RANBP2: variants seen among roughly 807,000 people sequenced by gnomAD.
RANBP2 encodes RAN binding protein 2.
RANBP2 carries 57 observed loss-of-function variants against 303.6 expected under a neutral mutation model. The observed-to-expected ratio is 0.19, with a 90% CI of 0.15 to 0.23. The LOEUF (loss-of-function observed/expected upper bound fraction) is 0.23, where lower values mean the gene tolerates loss of function less well. Ranked by LOEUF, RANBP2 falls within the 10% of genes least tolerant of loss-of-function variation. RANBP2 has a pLI of 1.00. For missense variants in RANBP2, 3,138 were observed against 3,780.8 expected, an observed-to-expected ratio of 0.83 and a Z score of 4.46; for synonymous variants, 1,167 against 1,301.5, an observed-to-expected ratio of 0.90 and a Z score of 2.23.
At chr2:109,493,080 CCATA>C in the RANBP2 span, among the ~76,000 whole-genome samples, 136 of 91,598 alleles carry the variant, frequency 1.5e-3, no homozygotes, top group Middle Eastern at 5.2e-3. Context: ...CACACATACA[CCATA>C]CATACAAACA....
chr2:108,808,514 CCAA>C, the RANBP2 span, among the ~76,000 whole-genome samples: 1 of 152,248 alleles, frequency 6.6e-6, no homozygotes, highest in East Asian at 1.9e-4. Flanking sequence ...CACATCCTCA[CCAA>C]CGTTTATTAC....
chr2:109,384,228 A>G, the RANBP2 span, among the ~76,000 whole-genome samples: 1 of 152,152 alleles, frequency 6.6e-6, no homozygotes, highest in African/African-American at 2.4e-5. Flanking sequence ...GCCTGAATGA[A>G]GCAGAGGAGA....
At chr2:108,730,540 T>A (rs1344254466) in intron 2 of RANBP2, among the ~76,000 whole-genome samples, 2 of 152,142 alleles carry the variant, frequency 1.3e-5, no homozygotes, top group Admixed American at 6.6e-5. Flanking sequence ...GGAGAAAAAT[T>A]TGGTAAATGT....
the RANBP2 span, among the ~76,000 whole-genome samples, chr2:109,691,188 A>C: frequency 6.6e-6 from 1 of 152,242 alleles, no homozygotes; most frequent in African/African-American, 2.4e-5. Flanking sequence ...TGTTTAAAGA[A>C]AAATGGAAAA....
chr2:109,238,060 G>A, the RANBP2 span, among the ~76,000 whole-genome samples: 1 of 152,126 alleles, frequency 6.6e-6, no homozygotes, highest in South Asian at 2.1e-4. Context: ...TAAAAAATTA[G>A]CCAAGCATGG....
chr2:108,868,108 G>A, the RANBP2 span, among the ~76,000 whole-genome samples: 19 of 152,282 alleles, frequency 1.2e-4, no homozygotes, highest in Admixed American at 2.0e-4. Context: ...TTGACAGCAT[G>A]TACTTTTAAA....
chr2:109,027,757 CGGGGTGGGT>C, the RANBP2 span, among the ~76,000 whole-genome samples: 1 of 20,562 alleles, frequency 4.9e-5, no homozygotes, highest in Non-Finnish European at 9.3e-5. Context: ...CAGGAGTGGG[CGGGGTGGGT>C]GGGCGGCAGC....
the RANBP2 span, among the ~76,000 whole-genome samples, chr2:108,799,280 C>T: frequency 2.0e-5 from 3 of 152,218 alleles, no homozygotes; most frequent in African/African-American, 7.2e-5. Flanking sequence ...GTATAATATA[C>T]CTTGCTTCAT....
chr2:109,438,082 C>T, the RANBP2 span, among the ~76,000 whole-genome samples: 1 of 152,198 alleles, frequency 6.6e-6, no homozygotes, highest in African/African-American at 2.4e-5. Flanking sequence ...ATTTCTTAGA[C>T]TAACGAACAC....
chr2:109,316,041 C>T, the RANBP2 span, among the ~76,000 whole-genome samples: 1 of 152,104 alleles, frequency 6.6e-6, no homozygotes, highest in Non-Finnish European at 1.5e-5. Context: ...TGCAAAGATT[C>T]CCAGTATTTA....
the RANBP2 span, among the ~76,000 whole-genome samples, chr2:109,452,787 C>A: frequency 1.6e-4 from 24 of 149,004 alleles, no homozygotes; most frequent in East Asian, 4.2e-3. Context: ...GGAGGCTGGT[C>A]CCTGGGAGGC....
chr2:109,164,159 A>G, the RANBP2 span, among the ~76,000 whole-genome samples: 5 of 151,854 alleles, frequency 3.3e-5, no homozygotes, highest in Middle Eastern at 3.4e-3. Context: ...GAAAACTCTG[A>G]TGCCTCTCTC....
At chr2:109,291,546 C>T in the RANBP2 span, among the ~76,000 whole-genome samples, 25 of 152,282 alleles carry the variant, frequency 1.6e-4, 1 homozygote, top group South Asian at 6.2e-4. Flanking sequence ...TGTCTGCAGC[C>T]GGCGATGCCC....
the RANBP2 span, among the ~76,000 whole-genome samples, chr2:109,671,016 G>C: frequency 1.3e-5 from 2 of 152,198 alleles, no homozygotes; most frequent in African/African-American, 4.8e-5. Context: ...GCTGGACTTC[G>C]GAGGGTGGGT....
At chr2:108,804,750 A>G in the RANBP2 span, 5 of 611,544 alleles carry the variant, frequency 8.2e-6, no homozygotes, top group Non-Finnish European at 1.3e-5. Flanking sequence ...TTGCCACACT[A>G]GTCACTTGTG....
chr2:108,733,086 A>G (rs1205292500), intron 4 of RANBP2, among the ~76,000 whole-genome samples: 3 of 152,120 alleles, frequency 2.0e-5, no homozygotes, highest in Admixed American at 6.6e-5. Flanking sequence ...AGCCTCCCAA[A>G]GTGCTAGGAT....
intron 7 of RANBP2, among the ~76,000 whole-genome samples, chr2:108,746,207 C>A (rs1427469741): frequency 7.2e-6 from 1 of 139,070 alleles, no homozygotes; most frequent in Non-Finnish European, 1.5e-5. Flanking sequence ...CATGTCTGGC[C>A]CTTTTTTTTT....
chr2:109,330,774 A>G, the RANBP2 span, among the ~76,000 whole-genome samples: 1 of 152,222 alleles, frequency 6.6e-6, no homozygotes. Flanking sequence ...ATACACAGAT[A>G]CACAACTGGA....
At chr2:109,477,111 C>T in the RANBP2 span, among the ~76,000 whole-genome samples, 1 of 152,302 alleles carries the variant, frequency 6.6e-6, no homozygotes, top group South Asian at 2.1e-4. Flanking sequence ...TTACCTAGCC[C>T]CTACTCAAGA....
Sources: allele counts gnomAD v4.1 joint callset (sites outside exome capture counted in the v4.1 genomes callset), GRCh38; gene constraint gnomAD v4.1.1; transcripts MANE v1.5; gene names NCBI Gene and HGNC (gene_info 2026-07-23, HGNC 2026-07-21).